The following MYO6 variants were observed in gnomAD, a reference collection of about 807,000 sequenced individuals.
MYO6 encodes myosin VI.
Under a neutral mutation model 178.7 loss-of-function variants are expected in MYO6, and 74 were observed. The observed-to-expected ratio is 0.41, with a 90% CI of 0.34 to 0.50. The LOEUF is 0.50. Ranked by LOEUF, MYO6 falls within the 20% of genes least tolerant of loss-of-function variation. The pLI is 0.09. For missense variants in MYO6, 1,330 were observed against 1,547.4 expected, an observed-to-expected ratio of 0.86 and a Z score of 2.36; for synonymous variants, 477 against 504.6, an observed-to-expected ratio of 0.95 and a Z score of 0.73.
chr6:75,907,551 A>C (rs1486369220), intron 30 of MYO6, 54 bp from the exon 31 acceptor site: 2 of 1,377,112 alleles, frequency 1.5e-6, no homozygotes, highest in African/African-American at 2.9e-5. Context: ...CTCTTTAGTC[A>C]ATGTTTTCTT....
intron 1 of MYO6, among the ~76,000 whole-genome samples, chr6:75,805,021 ATT>A (rs58697772): frequency 4.4e-4 from 34 of 77,280 alleles, no homozygotes; most frequent in African/African-American, 1.0e-3. Context: ...ATATATATAT[ATT>A]TTTTTTTTTT....
chr6:75,881,617 T>C, intron 22 of MYO6, 72 bp from the exon 23 acceptor site: 1 of 1,475,496 alleles, frequency 6.8e-7, no homozygotes, highest in South Asian at 1.1e-5. Flanking sequence ...TTGAATTCTG[T>C]TTACATCATG....
intron 4 of MYO6, 55 bp downstream of exon 4, chr6:75,828,668 A>G: frequency 9.0e-7 from 1 of 1,108,998 alleles, no homozygotes. Context: ...TTCATGTGGT[A>G]CTCTTTGATT....
chr6:75,877,062 C>A (rs1777618870), intron 20 of MYO6, among the ~76,000 whole-genome samples: 1 of 151,994 alleles, frequency 6.6e-6, no homozygotes, highest in South Asian at 2.1e-4. Flanking sequence ...ACCGTAAGCT[C>A]CGCCTCCCAG....
chr6:75,821,166 C>G (rs557049966), intron 2 of MYO6, among the ~76,000 whole-genome samples: 1 of 152,164 alleles, frequency 6.6e-6, no homozygotes, highest in East Asian at 1.9e-4. Flanking sequence ...TTAACTTTCT[C>G]ATTCCAGCAA....
chr6:75,873,352 A>G (rs934673447), intron 20 of MYO6, 52 bp downstream of exon 20: 1 of 1,274,910 alleles, frequency 7.8e-7, no homozygotes, highest in Non-Finnish European at 1.1e-6. Context: ...CTCAAATACA[A>G]TTTAATAGGT....
intron 11 of MYO6, among the ~76,000 whole-genome samples, chr6:75,853,222 T>C (rs544705374): frequency 6.6e-6 from 1 of 152,334 alleles, no homozygotes; most frequent in African/African-American, 2.4e-5. Context: ...TTTGAAAATA[T>C]ATTCTAAGTA....
rs532335412 is a variant in MYO6, at chr6:75,909,574, G to T, written c.3412+947G>T. Among the ~76,000 whole-genome samples, 7 of 152,298 alleles carry T rather than the reference G, an allele frequency of 4.6e-5. No individual in the cohort carries two copies. The South Asian group carries it at 1.4e-3, about 32-fold the overall frequency. On this transcript the variant is annotated intron_variant, in intron 32 of 34. Transcript: ENST00000369977. The stretch of plus-strand genomic sequence containing the variant: ...TGAAATTGGAAAGTAGAGTAGAAGA[G>T]ATGTAACCTAGTACAAGCATGCATG...
At chr6:75,804,493 A>G (rs1386096459) in intron 1 of MYO6, among the ~76,000 whole-genome samples, 1 of 151,986 alleles carries the variant, frequency 6.6e-6, no homozygotes, top group Admixed American at 6.6e-5. Context: ...TGATAGATCT[A>G]CCCCACCCCT....
chr6:75,758,350 C>T (rs867786052), intron 1 of MYO6, among the ~76,000 whole-genome samples: 27 of 152,172 alleles, frequency 1.8e-4, no homozygotes, highest in African/African-American at 5.8e-4. Flanking sequence ...ACCAGAATCT[C>T]TTCATTGACT....
rs368072563 is a variant in MYO6 at position 75,862,677 on chromosome 6, T to G, written c.1628T>G (p.Phe543Cys). ...CTTCCCCAGCCAAGTGATCAACACT[T>G]TACATCTGCAGTTCACCAAAAGCAC... ...NRLPQPSDQH[F>C]TSAVHQKHKD... The change falls in exon 16 of 35, where the codon TTT becomes TGT. Residue 543 changes from phenylalanine (F) to cysteine (C), a missense_variant. Coordinates refer to ENST00000369977, the MANE Select transcript of MYO6 (RefSeq NM_004999.4). 1.2e-6 allele frequency: 2 copies of G among 1,614,026 alleles called. No individual in the cohort carries two copies. The highest frequency in any genetic ancestry group is 2.7e-5 in the African/African-American group (2 of 74,926).
intron 19 of MYO6, among the ~76,000 whole-genome samples, chr6:75,871,938 C>T (rs1427161736): frequency 6.6e-6 from 1 of 151,718 alleles, no homozygotes; most frequent in Non-Finnish European, 1.5e-5. Flanking sequence ...ACCAGCCTGC[C>T]CAATATGGTG....
chr6:75,887,036 T>G (rs1778490840), intron 25 of MYO6, 42 bp downstream of exon 25: 1 of 1,564,108 alleles, frequency 6.4e-7, no homozygotes, highest in Admixed American at 1.7e-5. Context: ...TTTTATGTAA[T>G]TTAATATATT....
At chr6:75,820,625 G>C (rs1201556005) in intron 2 of MYO6, among the ~76,000 whole-genome samples, 1 of 152,014 alleles carries the variant, frequency 6.6e-6, no homozygotes, top group Non-Finnish European at 1.5e-5. Context: ...CCTGCCTGGG[G>C]CTCCCAAAGT....
At chr6:75,865,346 A>T (rs1583306730) in intron 16 of MYO6, 3 of 141,804 alleles carry the variant, frequency 2.1e-5, no homozygotes, top group Admixed American at 7.2e-5. Flanking sequence ...TCTCAATTTT[A>T]AATGATGTCT....
intron 1 of MYO6, among the ~76,000 whole-genome samples, chr6:75,776,702 G>A (rs1056881441): frequency 2.7e-5 from 4 of 150,398 alleles, no homozygotes; most frequent in Non-Finnish European, 4.4e-5. Context: ...TGGTAGAGAT[G>A]GGGTAGTGCT....
chr6:75,900,623 C>CAA, intron 30 of MYO6, among the ~76,000 whole-genome samples: 1 of 152,116 alleles, frequency 6.6e-6, no homozygotes, highest in East Asian at 1.9e-4. Context: ...ATTGTAGATT[C>CAA]TGGATATTAG....
chr6:75,888,466 A>C (rs1436232798), intron 25 of MYO6, among the ~76,000 whole-genome samples: 2 of 151,818 alleles, frequency 1.3e-5, no homozygotes, highest in Non-Finnish European at 2.9e-5. Flanking sequence ...AATACAAAAA[A>C]TTATTTGGGC....
Position 75,822,849 on chromosome 6 carries a change from A to C in MYO6, c.185A>C (p.Asn62Thr). The C allele has an allele frequency of 6.2e-7, 1 of 1,611,734 alleles. No homozygotes were observed. The highest frequency in any genetic ancestry group is 1.1e-5 in the South Asian group (1 of 91,040). The change falls in exon 3 of 35, where the codon AAC becomes ACC. Residue 62 changes from asparagine (N) to threonine (T), a missense_variant and splice_region_variant. Asn to Thr is a moderately conservative substitution (Grantham distance 65). Around this residue, in one of 3 missense-constraint regions of MYO6, gnomAD observed 116 missense variants for 104.6 expected, o/e 1.11. Transcript: ENST00000369977. ...EEDSKKDVED[N>T]CSLMYLNEAT... ...GACAGTAAAAAAGATGTGGAAGATA[A>C]CTGTAAGTACCAAGTTAAAAATTAA...
Sources: gnomAD v4.1 joint callset for allele counts (sites outside exome capture counted in the v4.1 genomes callset) on GRCh38, gnomAD v4.1.1 for gene constraint, gnomAD v4.1.1 regional missense constraint, MANE v1.5 for transcripts, NCBI Gene and HGNC (gene_info 2026-07-23, HGNC 2026-07-21) for gene names.